SLC38A12: variants seen among roughly 807,000 people sequenced by gnomAD.
SLC38A12 encodes putative sodium-coupled neutral amino acid transporter 12.
At chr17:74,819,754 T>C in the SLC38A12 span, 2 of 1,614,184 alleles carry the variant, frequency 1.2e-6, no homozygotes, top group South Asian at 1.1e-5. Context: ...CCCCAGGCGA[T>C]CTTCACTCTC....
chr17:74,795,700 C>A, the SLC38A12 span: 2 of 1,250,172 alleles, frequency 1.6e-6, no homozygotes, highest in Non-Finnish European at 2.3e-6. Flanking sequence ...TTTGAAGTGC[C>A]TTTACTTCCA....
chr17:74,820,322 G>C, the SLC38A12 span, among the ~76,000 whole-genome samples: 1 of 152,174 alleles, frequency 6.6e-6, no homozygotes, highest in Non-Finnish European at 1.5e-5. Context: ...TCTGCCTCTG[G>C]GTCTCTGGCC....
chr17:74,837,313 T>C, the SLC38A12 span: 5 of 985,492 alleles, frequency 5.1e-6, no homozygotes, highest in Non-Finnish European at 6.0e-6. Context: ...CAGATAGAGC[T>C]GCGAGGGCCC....
At chr17:74,790,850 C>A in the SLC38A12 span, 2 of 926,138 alleles carry the variant, frequency 2.2e-6, no homozygotes. Flanking sequence ...CGAGTTTGGA[C>A]ACTTGGGGAT....
the SLC38A12 span, among the ~76,000 whole-genome samples, chr17:74,829,573 G>A: frequency 6.6e-6 from 1 of 152,170 alleles, no homozygotes; most frequent in Non-Finnish European, 1.5e-5. This position sits in a 1 kb window ranked among gnomAD's most constrained non-coding sequence, Gnocchi z 4.1. Flanking sequence ...GAGAGCGTGG[G>A]CGGCATTCAG....
the SLC38A12 span, among the ~76,000 whole-genome samples, chr17:74,835,075 G>T: frequency 1.3e-5 from 2 of 152,208 alleles, no homozygotes; most frequent in African/African-American, 4.8e-5. Flanking sequence ...GTAAAGGGCT[G>T]CGAACTGAAG....
At chr17:74,821,565 T>G in the SLC38A12 span, among the ~76,000 whole-genome samples, 17 of 152,194 alleles carry the variant, frequency 1.1e-4, no homozygotes, top group Admixed American at 2.6e-4. Context: ...GAAGTCAGAG[T>G]CAGCAGGGAT....
chr17:74,804,491 C>T, the SLC38A12 span, among the ~76,000 whole-genome samples: 2 of 152,172 alleles, frequency 1.3e-5, no homozygotes, highest in African/African-American at 2.4e-5. Flanking sequence ...CAGAGCTGAA[C>T]GATTAGGGTG....
At chr17:74,818,260 C>T in the SLC38A12 span, among the ~76,000 whole-genome samples, 1 of 152,162 alleles carries the variant, frequency 6.6e-6, no homozygotes, top group Non-Finnish European at 1.5e-5. Flanking sequence ...CCCCATCCCC[C>T]AAGCCTGATA....
chr17:74,797,923 G>T, the SLC38A12 span, among the ~76,000 whole-genome samples: 3 of 152,106 alleles, frequency 2.0e-5, no homozygotes, highest in Admixed American at 2.0e-4. Context: ...GGCCCCAGAG[G>T]AGGAGGGCTG....
chr17:74,797,624 A>G, the SLC38A12 span, among the ~76,000 whole-genome samples: 19 of 152,276 alleles, frequency 1.2e-4, no homozygotes, highest in African/African-American at 4.6e-4. Flanking sequence ...ACAGTTTTGC[A>G]TGTGGCTCCC....
the SLC38A12 span, among the ~76,000 whole-genome samples, chr17:74,833,167 G>A: frequency 1.3e-5 from 2 of 152,204 alleles, no homozygotes; most frequent in Admixed American, 6.5e-5. Flanking sequence ...GGGATTGCAG[G>A]TGCGCGTCAC....
chr17:74,777,393 AACCTTTTGCTCACTT>A, the SLC38A12 span: 1 of 1,614,150 alleles, frequency 6.2e-7, no homozygotes, highest in Non-Finnish European at 8.5e-7. Flanking sequence ...TGACTTATAG[AACCTTTTGCTCACTT>A]AAGTGTTCCT....
At chr17:74,793,543 A>G in the SLC38A12 span, among the ~76,000 whole-genome samples, 2 of 152,178 alleles carry the variant, frequency 1.3e-5, no homozygotes, top group African/African-American at 2.4e-5. Context: ...CAGGAAGTTC[A>G]TTGATCCCTT....
At chr17:74,835,128 C>T in the SLC38A12 span, among the ~76,000 whole-genome samples, 1 of 152,220 alleles carries the variant, frequency 6.6e-6, no homozygotes, top group East Asian at 1.9e-4. Flanking sequence ...TTGCTCTGAA[C>T]AGATGGGGCC....
the SLC38A12 span, among the ~76,000 whole-genome samples, chr17:74,832,509 C>T: frequency 2.0e-5 from 3 of 152,260 alleles, no homozygotes; most frequent in Non-Finnish European, 4.4e-5. Flanking sequence ...AACCACCTGT[C>T]CTTCCCGGAT....
chr17:74,837,038 T>C, the SLC38A12 span: 35 of 1,068,730 alleles, frequency 3.3e-5, no homozygotes, highest in Non-Finnish European at 4.0e-5. Flanking sequence ...CAATGGGAGA[T>C]GCAGTGCTGG....
chr17:74,788,884 CCTCGT>C, the SLC38A12 span: 1 of 1,610,660 alleles, frequency 6.2e-7, no homozygotes, highest in Non-Finnish European at 8.5e-7. Context: ...TGTGTGTTGC[CCTCGT>C]CTCCGGGCCA....
chr17:74,797,662 C>T, the SLC38A12 span, among the ~76,000 whole-genome samples: 1 of 152,200 alleles, frequency 6.6e-6, no homozygotes, highest in Non-Finnish European at 1.5e-5. Context: ...AGAACAGTAG[C>T]CTGCTGTTCC....
Sources: gnomAD v4.1 joint callset for allele counts (sites outside exome capture counted in the v4.1 genomes callset) on GRCh38, gnomAD v4.1.1 for gene constraint, Gnocchi (gnomAD v3.1) non-coding constraint, MANE v1.5 for transcripts, NCBI Gene and HGNC (gene_info 2026-07-23, HGNC 2026-07-21) for gene names.